The following ROR1 variants were observed in gnomAD, a reference collection of about 807,000 sequenced individuals.
The protein encoded by ROR1 is ROR family WNT receptor 1.
A neutral mutation model predicts 78.8 loss-of-function variants in ROR1; 19 were observed. That is an observed-to-expected ratio of 0.24 (90% CI 0.17 to 0.35). The LOEUF is 0.35. Ranked by LOEUF, ROR1 falls within the 10% of genes least tolerant of loss-of-function variation. The pLI, the probability that ROR1 is intolerant of heterozygous loss-of-function variation, is 1.00. For missense variants in ROR1, 917 were observed against 1,177.8 expected, an observed-to-expected ratio of 0.78 and a Z score of 3.24; for synonymous variants, 386 against 433.6, an observed-to-expected ratio of 0.89 and a Z score of 1.36.
chr1:63,994,224 G>A (rs1272459691), intron 1 of ROR1, among the ~76,000 whole-genome samples: 2 of 151,966 alleles, frequency 1.3e-5, no homozygotes, highest in East Asian at 3.9e-4. Context: ...CTGATTGGTA[G>A]GAAATTTTGC....
chr1:64,097,133 C>G (rs1647329823), intron 4 of ROR1, among the ~76,000 whole-genome samples: 4 of 152,110 alleles, frequency 2.6e-5, no homozygotes, highest in Admixed American at 2.6e-4. Context: ...CAAAATGGGC[C>G]TCACTGGCCT....
At chr1:63,876,385 C>T (rs188687394) in intron 1 of ROR1, among the ~76,000 whole-genome samples, 7 of 152,280 alleles carry the variant, frequency 4.6e-5, no homozygotes, top group Admixed American at 3.9e-4. Flanking sequence ...ATCACTTGCA[C>T]ACGTTTGCAA....
chr1:63,921,180 C>G (rs1645651541), intron 1 of ROR1, among the ~76,000 whole-genome samples: 1 of 152,174 alleles, frequency 6.6e-6, no homozygotes, highest in Admixed American at 6.5e-5. Context: ...TTATCACCTT[C>G]CATGTTCTGT....
chr1:63,905,189 C>G lies in ROR1; in HGVS notation c.92-104116C>G, dbSNP rs138677298. On this transcript the variant is annotated intron_variant, in intron 1 of 8. Coordinates refer to ENST00000371079, the MANE Select transcript of ROR1 (RefSeq NM_005012.4). ...CTGGCCAAGAAAATAAATTGCCTAA[C>G]CTTCTGGATTCAATAGTGCAGTTGA... Among the ~76,000 whole-genome samples, 335 of 152,266 alleles carry G rather than the reference C, an allele frequency of 2.2e-3. 2 individuals are homozygous for G. The highest frequency in any genetic ancestry group is 7.8e-3 in the African/African-American group (325 of 41,556).
chr1:64,075,601 T>C (rs1359367661), intron 4 of ROR1, among the ~76,000 whole-genome samples: 2 of 152,252 alleles, frequency 1.3e-5, no homozygotes, highest in Non-Finnish European at 2.9e-5. Context: ...ACCGTGTATA[T>C]GCAGTTGCAT....
chr1:64,074,990 A>G (rs1012015673), intron 4 of ROR1, among the ~76,000 whole-genome samples: 2 of 152,194 alleles, frequency 1.3e-5, no homozygotes, highest in South Asian at 2.1e-4. Flanking sequence ...AGTGCTTATT[A>G]GTGTTCCCGA....
chr1:64,174,953 C>A (rs749784713), intron 8 of ROR1, among the ~76,000 whole-genome samples: 2 of 149,670 alleles, frequency 1.3e-5, no homozygotes, highest in Non-Finnish European at 3.0e-5. Context: ...GATGGACTTA[C>A]AATTGCAAAA....
At chr1:63,800,280 C>T (rs1448284320) in intron 1 of ROR1, among the ~76,000 whole-genome samples, 1 of 152,142 alleles carries the variant, frequency 6.6e-6, no homozygotes, top group Non-Finnish European at 1.5e-5. Context: ...TTGCTGTTAC[C>T]TATAAAATTA....
chr1:64,030,638 G>A (rs944778244), intron 2 of ROR1, among the ~76,000 whole-genome samples: 4 of 152,150 alleles, frequency 2.6e-5, no homozygotes, highest in Admixed American at 6.5e-5. Flanking sequence ...ATGCTATATC[G>A]AGAATGCTCT....
At chr1:63,970,001 A>G (rs979956954) in intron 1 of ROR1, among the ~76,000 whole-genome samples, 3 of 152,010 alleles carry the variant, frequency 2.0e-5, no homozygotes, top group African/African-American at 7.2e-5. Context: ...TATCCATATC[A>G]TACTCATTTT....
chr1:63,939,319 G>T (rs1262835541), intron 1 of ROR1, among the ~76,000 whole-genome samples: 1 of 152,104 alleles, frequency 6.6e-6, no homozygotes, highest in East Asian at 1.9e-4. Flanking sequence ...ATATTTTGAG[G>T]GTCCTAGGTG....
chr1:64,061,227 C>T (rs537363470), intron 4 of ROR1, among the ~76,000 whole-genome samples: 1 of 152,186 alleles, frequency 6.6e-6, no homozygotes, highest in African/African-American at 2.4e-5. Context: ...TTGTTCAACA[C>T]ATTTTTACCA....
At chr1:63,961,448 A>G (rs187137637) in intron 1 of ROR1, among the ~76,000 whole-genome samples, 4 of 152,318 alleles carry the variant, frequency 2.6e-5, no homozygotes, top group African/African-American at 9.6e-5. Context: ...GTGTCCATCA[A>G]TGGATGAATG....
chr1:64,104,358 T>C (rs988328978), intron 4 of ROR1, among the ~76,000 whole-genome samples: 3 of 152,218 alleles, frequency 2.0e-5, no homozygotes, highest in Non-Finnish European at 2.9e-5. Context: ...CTTAAAGCCA[T>C]GTGTGACAGG....
chr1:63,984,253 A>G (rs1244900417), intron 1 of ROR1, among the ~76,000 whole-genome samples: 1 of 152,098 alleles, frequency 6.6e-6, no homozygotes, highest in African/African-American at 2.4e-5. Flanking sequence ...CTTCTCTGGG[A>G]AACTTGAATT....
At chr1:64,120,372 G>A (rs1648486807) in intron 4 of ROR1, among the ~76,000 whole-genome samples, 2 of 152,028 alleles carry the variant, frequency 1.3e-5, no homozygotes, top group Admixed American at 6.6e-5. Context: ...GTCATCTTCA[G>A]TTTTTAAGAG....
intron 1 of ROR1, among the ~76,000 whole-genome samples, chr1:63,968,892 A>C (rs1043529576): frequency 6.6e-6 from 1 of 152,242 alleles, no homozygotes; most frequent in African/African-American, 2.4e-5. Context: ...AAGGGAGTGC[A>C]GACCCAGGAA....
intron 1 of ROR1, among the ~76,000 whole-genome samples, chr1:63,795,870 T>G (rs747270393): frequency 6.6e-6 from 1 of 152,178 alleles, no homozygotes; most frequent in Non-Finnish European, 1.5e-5. Context: ...TAGGGGAAAC[T>G]TAGTATGTAA....
chr1:64,026,182 T>C lies in ROR1; in HGVS notation c.163+16806T>C, dbSNP rs960578093. Among the ~76,000 whole-genome samples the C allele has an allele frequency of 3.3e-5, 5 of 152,286 alleles. No homozygotes were observed. In the East Asian group the frequency reaches 9.6e-4, roughly 29 times the overall value. ...TTCTGTGTTTTATTCCCTCTTCTGC[T>C]CAGAAAGTGGCTGGGGGCTGTTCTC... is the stretch of plus-strand genomic sequence containing the variant. On this transcript the variant is annotated intron_variant, in intron 2 of 8. Transcript: ENST00000371079.
Sources: gnomAD v4.1 joint callset for allele counts (sites outside exome capture counted in the v4.1 genomes callset) on GRCh38, gnomAD v4.1.1 for gene constraint, MANE v1.5 for transcripts, NCBI Gene and HGNC (gene_info 2026-07-23, HGNC 2026-07-21) for gene names.